ABCA12: variants seen among roughly 807,000 people sequenced by gnomAD.
ABCA12 encodes the protein glucosylceramide transporter ABCA12.
A neutral mutation model predicts 293.5 loss-of-function variants in ABCA12; 156 were observed. That is an observed-to-expected ratio of 0.53 (90% CI 0.47 to 0.61). ABCA12 has a LOEUF of 0.61. Ranked by LOEUF, ABCA12 falls within the 20% of genes least tolerant of loss-of-function variation. The pLI is 0.00. For missense variants in ABCA12, 2,797 were observed against 3,090.2 expected (o/e 0.91, Z 2.25); for synonymous variants, 1,063 against 1,108.0 (o/e 0.96, Z 0.81).
In ABCA12 at chr2:214,986,537, C is replaced by T. The variant is rs1699790724; in HGVS notation, c.4163+5G>A. On this transcript the variant is annotated splice_donor_5th_base_variant and intron_variant, in intron 28 of 52. Coordinates refer to ENST00000272895, the MANE Select transcript of ABCA12 (RefSeq NM_173076.3). ...ATGGCAATAAATGTCAAAAAGTTAA[C>T]ATACATGGTAGTAGTTTTCCCAGCT... 6.2e-7 allele frequency: 1 copy of T among 1,613,766 alleles called. No homozygotes were observed. Among genetic ancestry groups the T allele is most frequent in the Non-Finnish European group, 8.5e-7 (1 of 1,179,768 alleles).
At chr2:215,039,667 A>G (rs1045497641) in intron 7 of ABCA12, among the ~76,000 whole-genome samples, 1 of 152,044 alleles carries the variant, frequency 6.6e-6, no homozygotes, top group African/African-American at 2.4e-5. Context: ...AGGTAGGAGA[A>G]TGGCATGAAC....
Position 215,015,555 on chromosome 2 carries a change from G to A in ABCA12, c.1891C>T (p.Arg631Trp), listed in dbSNP as rs751271500. ...GTGAGTCCGATGAGGTAAGACTGCC[G>A]GGATCTCTCTGAAAGAGACAGGTTG... is the stretch of plus-strand genomic sequence containing the variant. The part of the protein sequence containing the change: ...FCNLSLSERS[R>W]QSYLIGLTLL... The change falls in exon 15 of 53, where the codon CGG becomes TGG. Residue 631 changes from arginine to tryptophan, a missense_variant. Physicochemically the swap from Arg to Trp is moderately radical, Grantham distance 101. This residue lies in a region of ABCA12 where 2,130 missense variants were observed against 2,427.0 expected (regional missense o/e 0.88). Transcript: ENST00000272895. 70 of 1,614,036 alleles carry A rather than the reference G, an allele frequency of 4.3e-5. No homozygotes were observed. Among genetic ancestry groups the A allele is most frequent in the South Asian group, 9.9e-5 (9 of 91,080 alleles).
chr2:214,983,017 CT>C (rs1699702554), intron 29 of ABCA12, among the ~76,000 whole-genome samples: 1 of 152,046 alleles, frequency 6.6e-6, no homozygotes, highest in South Asian at 2.1e-4. Flanking sequence ...AAATGGCCAT[CT>C]GGGGGGGTAG....
At chr2:215,009,216 A>G (rs751536709) in intron 18 of ABCA12, among the ~76,000 whole-genome samples, 3 of 152,158 alleles carry the variant, frequency 2.0e-5, no homozygotes, top group Non-Finnish European at 4.4e-5. Flanking sequence ...TAGCAAACCA[A>G]CACAGGAATA....
intron 5 of ABCA12, among the ~76,000 whole-genome samples, chr2:215,051,735 T>G (rs1701325772): frequency 6.6e-6 from 1 of 151,414 alleles, no homozygotes; most frequent in Non-Finnish European, 1.5e-5. Context: ...GAAAATGAAG[T>G]CTTTTCATGT....
In ABCA12 at chr2:215,118,636, CA is replaced by C. The variant is rs905044317; in HGVS notation, c.70-6947del. ...TTTATTTAAGATTTATACATAAATA[CA>C]AAAAAAAAATTGTTGAGCACCTACT... On this transcript the variant is annotated intron_variant, in intron 1 of 52. Coordinates refer to ENST00000272895, the MANE Select transcript of ABCA12 (RefSeq NM_173076.3). Among the ~76,000 whole-genome samples the C allele has an allele frequency of 9.1e-4, 133 of 146,832 alleles. 1 individual carries two copies. Among genetic ancestry groups the C allele is most frequent in the African/African-American group, 1.8e-3 (73 of 40,104 alleles).
intron 22 of ABCA12, among the ~76,000 whole-genome samples, chr2:214,998,642 A>G (rs976288431): frequency 1.3e-5 from 2 of 152,196 alleles, no homozygotes; most frequent in African/African-American, 4.8e-5. Context: ...TGAAAGTTAA[A>G]TTGGAGTGGT....
chr2:215,084,124 C>T (rs968292578), intron 2 of ABCA12, among the ~76,000 whole-genome samples: 2 of 151,968 alleles, frequency 1.3e-5, no homozygotes, highest in African/African-American at 2.4e-5. Context: ...ACTACAGACA[C>T]GTACCACCAC....
chr2:215,105,301 T>C (rs1432434990), intron 2 of ABCA12, among the ~76,000 whole-genome samples: 1 of 152,146 alleles, frequency 6.6e-6, no homozygotes, highest in East Asian at 1.9e-4. Flanking sequence ...GGGAGTACCC[T>C]GGATGTGAGC....
At chr2:215,064,260 T>C in intron 2 of ABCA12, 41 bp from the exon 3 acceptor site, 2 of 1,601,362 alleles carry the variant, frequency 1.2e-6, no homozygotes, top group Middle Eastern at 1.7e-4. Context: ...TATGGCACAT[T>C]TGTCTGGGAA....
chr2:215,011,860 GTGT>G, intron 16 of ABCA12, 108 bp downstream of exon 16: 1 of 1,153,432 alleles, frequency 8.7e-7, no homozygotes, highest in East Asian at 2.5e-5. Flanking sequence ...TTTCTTGTAG[GTGT>G]TGTTTTTTTT....
intron 22 of ABCA12, 145 bp downstream of exon 22, chr2:215,000,560 A>C (rs1700122512): frequency 1.2e-6 from 1 of 841,472 alleles, no homozygotes; most frequent in Non-Finnish European, 1.9e-6. Context: ...TATGCCCTAT[A>C]GTGTGAACTC....
Position 215,010,417 on chromosome 2 carries a change from C to G in ABCA12, c.2386G>C (p.Val796Leu), listed in dbSNP as rs1700346124. 2 of 1,613,816 alleles carry G rather than the reference C, an allele frequency of 1.2e-6. No homozygotes were observed. The highest frequency in any genetic ancestry group is 1.7e-6 in the Non-Finnish European group (2 of 1,179,794). Reference sequence around the variant, plus strand: ...ATAGGTTTCAAGAAAGCCCAAATCACAGGTCCAGCGGGCATGTTAATGATG... The same window carrying G: ...ATAGGTTTCAAGAAAGCCCAAATCAGAGGTCCAGCGGGCATGTTAATGATG... ...KDIINMPAGPVIWAFLKPMLL... is the reference protein window; with the variant it reads ...KDIINMPAGPLIWAFLKPMLL... Residue 796 changes from valine to leucine, a missense_variant, in exon 18 of 53, where the codon GTG (valine) becomes CTG (leucine). Physicochemically the swap from Val to Leu is conservative, Grantham distance 32. Around this residue, in one of 3 missense-constraint regions of ABCA12, gnomAD observed 2,130 missense variants for 2,427.0 expected, o/e 0.88. Coordinates refer to ENST00000272895, the MANE Select transcript of ABCA12 (RefSeq NM_173076.3).
Position 215,007,931 on chromosome 2 carries a change from G to A in ABCA12, c.2473-85C>T, listed in dbSNP as rs114695729. The A allele has an allele frequency of 3.3e-3, 5,095 of 1,542,802 alleles. 119 individuals carry two copies. The African/African-American group carries it at 0.048, about 15-fold the overall frequency. ...AGGTATCTTAAGATTGTTTTGTTACGTAACTTCAAAAGACAGTTCTAAAAC... is the reference window on the plus strand; with the variant it reads ...AGGTATCTTAAGATTGTTTTGTTACATAACTTCAAAAGACAGTTCTAAAAC... On this transcript the variant is annotated intron_variant, in intron 18 of 52. Transcript: ENST00000272895.
At chr2:215,061,476 GT>G (rs1288507886) in intron 3 of ABCA12, among the ~76,000 whole-genome samples, 1 of 151,940 alleles carries the variant, frequency 6.6e-6, no homozygotes, top group Non-Finnish European at 1.5e-5. Context: ...AGACTGTTTT[GT>G]TTCCTAATGA....
chr2:215,074,606 C>T (rs775318608), intron 2 of ABCA12, among the ~76,000 whole-genome samples: 1 of 151,918 alleles, frequency 6.6e-6, no homozygotes, highest in African/African-American at 2.4e-5. Context: ...AATACAGAAA[C>T]GTGATCATTT....
chr2:214,966,206 T>G (rs1699254044), intron 39 of ABCA12, among the ~76,000 whole-genome samples: 1 of 152,078 alleles, frequency 6.6e-6, no homozygotes, highest in Non-Finnish European at 1.5e-5. Context: ...GGACACATGG[T>G]GGGGAACAAC....
intron 22 of ABCA12, among the ~76,000 whole-genome samples, chr2:214,999,223 T>C (rs1011931876): frequency 6.6e-6 from 1 of 152,172 alleles, no homozygotes; most frequent in Non-Finnish European, 1.5e-5. Flanking sequence ...TGAAGTGATT[T>C]CTGGATCTAG....
chr2:215,072,633 C>A (rs1005382560), intron 2 of ABCA12, among the ~76,000 whole-genome samples: 2 of 152,210 alleles, frequency 1.3e-5, no homozygotes, highest in African/African-American at 4.8e-5. Flanking sequence ...TTCCAAAGAT[C>A]ATGGCCTGGT....
Sources: allele counts gnomAD v4.1 joint callset (sites outside exome capture counted in the v4.1 genomes callset), GRCh38; gene constraint gnomAD v4.1.1; regional missense constraint gnomAD v4.1.1; transcripts MANE v1.5; gene names NCBI Gene and HGNC (gene_info 2026-07-23, HGNC 2026-07-21).